The following SRCIN1 variants were observed in gnomAD, a reference collection of about 807,000 sequenced individuals.
The protein encoded by SRCIN1 is SRC kinase signaling inhibitor 1, also known as P130Cas-associated protein.
A neutral mutation model predicts 116.2 loss-of-function variants in SRCIN1; 50 were observed. The observed-to-expected ratio is 0.43, with a 90% CI of 0.34 to 0.54. The LOEUF is 0.54. Among genes scored for constraint, SRCIN1 ranks in the 20% least tolerant of loss-of-function variants. The pLI is 0.02. For missense variants in SRCIN1, 1,446 were observed against 1,672.0 expected (o/e 0.86, Z 2.36); for synonymous variants, 736 against 750.0 (o/e 0.98, Z 0.30).
Position 38,552,873 on chromosome 17 carries a change from C to A in SRCIN1, c.2202-18G>T. On this transcript the variant is annotated intron_variant, in intron 11 of 18. Coordinates refer to ENST00000617146, the MANE Select transcript of SRCIN1 (RefSeq NM_025248.3). This position sits in a 1 kb window ranked among gnomAD's most constrained non-coding sequence, Gnocchi z 5.3. ...CCAGGTCACTGCAGCCACAGAGAGA[C>A]CCTTTCAGCCCTTTTGGCCTGAGAT... 6.2e-7 allele frequency: 1 copy of A among 1,604,338 alleles called. No individual in the cohort carries two copies. The highest frequency in any genetic ancestry group is 8.5e-7 in the Non-Finnish European group (1 of 1,174,794).
intron 3 of SRCIN1, among the ~76,000 whole-genome samples, chr17:38,566,552 T>C (rs1298958761): frequency 6.6e-6 from 1 of 152,024 alleles, no homozygotes; most frequent in Non-Finnish European, 1.5e-5. Flanking sequence ...ATCACCAGAG[T>C]GTTCCAGGGA....
At position 38,542,506 on chromosome 17, in the gene SRCIN1, C is replaced by T. The variant is rs117184288; in HGVS notation, c.3417+1317G>A. 7.0e-3 allele frequency: 1,086 copies of T among 154,116 alleles called. 9 individuals carry two copies. Among genetic ancestry groups the T allele is most frequent in the Middle Eastern group, 0.01 (3 of 294 alleles). The allele number at this position is 154,116 out of a possible 1,614,324, so 9.5% of individuals were successfully genotyped here. The stretch of plus-strand genomic sequence containing the variant: ...GCTGGGCACCCAGGAGGGTCCAGCC[C>T]GGACAGGACAAGGGGAACTCATCCC... On this transcript the variant is annotated intron_variant, in intron 18 of 18. Coordinates refer to ENST00000617146, the MANE Select transcript of SRCIN1 (RefSeq NM_025248.3).
chr17:38,551,836 A>C lies in SRCIN1; in HGVS notation c.2727+50T>G, dbSNP rs768650460. The C allele has an allele frequency of 3.7e-6, 6 of 1,609,724 alleles. No individual in the cohort carries two copies. The East Asian group carries it at 1.3e-4, about 36-fold the overall frequency. ...CCACTCTAGGAAGGATGGTCGTAAG[A>C]ATGTGTGAACCTGGCTCATGGCCCC... is the stretch of plus-strand genomic sequence containing the variant. On this transcript the variant is annotated intron_variant, in intron 14 of 18. Transcript: ENST00000617146.
chr17:38,580,633 TTTC>T (rs1460322729), intron 1 of SRCIN1, among the ~76,000 whole-genome samples: 1 of 152,168 alleles, frequency 6.6e-6, no homozygotes, highest in Non-Finnish European at 1.5e-5. Context: ...ACGATGACTG[TTTC>T]TTGAGTGAAC....
intron 1 of SRCIN1, among the ~76,000 whole-genome samples, chr17:38,600,697 T>A (rs1407782092): frequency 6.6e-6 from 1 of 152,216 alleles, no homozygotes; most frequent in South Asian, 2.1e-4. Context: ...CTCTGCCGGC[T>A]GCAGTATCAG....
rs557416198 is a variant in SRCIN1, at chr17:38,549,931, C to T, written c.2963-721G>A. Among the ~76,000 whole-genome samples, 26 of 152,292 alleles carry T rather than the reference C, an allele frequency of 1.7e-4. No individual in the cohort carries two copies. In the South Asian group the frequency reaches 5.0e-3, roughly 29 times the overall value. On this transcript the variant is annotated intron_variant, in intron 15 of 18. Transcript: ENST00000617146. ...CGCTGTTCCCTCACCCTGGAGTACC[C>T]GCTCTCACTAGCTAGGGAAGTGCCC...
At position 38,568,117 on chromosome 17, in the gene SRCIN1, G is replaced by A. The variant is rs1473148360; in HGVS notation, c.345+94C>T. Reference sequence around the variant, plus strand: ...TACCAGAAGGTGTCCGTGCAGATGCGCACCCCGGTGCAAAGCCTGTGCAAG... The same window carrying A: ...TACCAGAAGGTGTCCGTGCAGATGCACACCCCGGTGCAAAGCCTGTGCAAG... On this transcript the variant is annotated intron_variant, in intron 3 of 18. Coordinates refer to ENST00000617146, the MANE Select transcript of SRCIN1 (RefSeq NM_025248.3). This position sits in a 1 kb window ranked among gnomAD's most constrained non-coding sequence, Gnocchi z 4.5. 2.7e-5 allele frequency: 40 copies of A among 1,479,026 alleles called. No homozygotes were observed. The highest frequency in any genetic ancestry group is 1.6e-4 in the South Asian group (14 of 85,188). The allele number at this position is 1,479,026 out of a possible 1,614,324, so 91.6% of individuals were successfully genotyped here. A position where few individuals can be genotyped will look rare whatever the true frequency, so the allele number is the denominator to read the frequency against.
intron 18 of SRCIN1, among the ~76,000 whole-genome samples, chr17:38,543,401 A>G (rs1904871011): frequency 1.3e-5 from 2 of 152,170 alleles, no homozygotes; most frequent in African/African-American, 4.8e-5. Context: ...GCGGAGAGAG[A>G]AACAGAGTGG....
rs973737274 is a variant in SRCIN1, at chr17:38,558,700, A to G, written c.2026-298T>C. Among the ~76,000 whole-genome samples, 1 of 151,838 alleles carries G rather than the reference A, an allele frequency of 6.6e-6. No individual in the cohort carries two copies. The highest frequency in any genetic ancestry group is 1.5e-5 in the Non-Finnish European group (1 of 67,980). ...ATGGGCCATGCAAAGGGGGAGCTGC[A>G]TGGCTGTGGCCGCGAGCAGGGGTGG... On this transcript the variant is annotated intron_variant, in intron 10 of 18. Transcript: ENST00000617146. The surrounding 1 kb of genome is among the most constrained non-coding windows in gnomAD (Gnocchi z 4.6).
At chr17:38,548,496 G>C in intron 17 of SRCIN1, 61 bp downstream of exon 17, 1 of 1,588,064 alleles carries the variant, frequency 6.3e-7, no homozygotes, top group Non-Finnish European at 8.6e-7. Flanking sequence ...GGCCTGGGGG[G>C]CAGCCTGGGA....
chr17:38,594,672 G>A (rs1050202094), intron 1 of SRCIN1, among the ~76,000 whole-genome samples: 6 of 152,002 alleles, frequency 3.9e-5, no homozygotes, highest in Non-Finnish European at 8.8e-5. Flanking sequence ...CCTGGGAGGT[G>A]TTCTTGTACC....
At chr17:38,541,531 G>A (rs2144896406) in intron 18 of SRCIN1, 1 of 152,774 alleles carries the variant, frequency 6.5e-6, no homozygotes, top group East Asian at 1.9e-4. Flanking sequence ...TGGGTGACTG[G>A]AGCTCAGAAT....
rs1471559530 is a variant in SRCIN1, at chr17:38,530,443, T to C, written c.*2854A>G. The C allele has an allele frequency of 1.3e-5, 2 of 152,828 alleles. No homozygotes were observed. 9.5% of individuals were successfully genotyped at this position (152,828 alleles called of 1,614,324 possible). A position where few individuals can be genotyped will look rare whatever the true frequency, so the allele number is the denominator to read the frequency against. On this transcript the variant is annotated 3_prime_UTR_variant, in exon 19 of 19. Coordinates refer to ENST00000617146, the MANE Select transcript of SRCIN1 (RefSeq NM_025248.3). ...GGTACAGGGGTCCCCCGAGACGTCT[T>C]AGTTTTCTCTTGGTCAAGCACACAC... is the stretch of plus-strand genomic sequence containing the variant.
chr17:38,561,065 C>T (rs899838484), intron 7 of SRCIN1, among the ~76,000 whole-genome samples: 2 of 152,218 alleles, frequency 1.3e-5, no homozygotes, highest in African/African-American at 4.8e-5. Flanking sequence ...ACCCTCCTCC[C>T]CAGTGGACTT....
rs528173987 is a variant in SRCIN1 at position 38,605,581 on chromosome 17, G to A, written c.22+103C>T. 2.6e-3 allele frequency: 2,468 copies of A among 953,870 alleles called. 52 individuals are homozygous for A. In the African/African-American group the frequency reaches 0.042, roughly 16 times the overall value. The allele number at this position is 953,870 out of a possible 1,614,324, so 59.1% of individuals were successfully genotyped here. On this transcript the variant is annotated intron_variant, in intron 1 of 18. Transcript: ENST00000617146. ...CGGCCACCGCCTCCCCGGCCCGGCCGCCGCCCCCGCCCCCGGCCGAGGGGG... is the reference window on the plus strand; with the variant it reads ...CGGCCACCGCCTCCCCGGCCCGGCCACCGCCCCCGCCCCCGGCCGAGGGGG...
In SRCIN1 at chr17:38,531,226, G is replaced by A. The variant is rs2040916554; in HGVS notation, c.*2071C>T. On this transcript the variant is annotated 3_prime_UTR_variant, in exon 19 of 19. Transcript: ENST00000617146. The stretch of plus-strand genomic sequence containing the variant: ...CAAGCAGAGAGTAATGGAGTGGAGG[G>A]AGGAGGGGGCACCACTCCCCCCTCC... 1 of 151,826 alleles carries A rather than the reference G, an allele frequency of 6.6e-6. No homozygotes were observed. Among genetic ancestry groups the A allele is most frequent in the African/African-American group, 2.4e-5 (1 of 41,234 alleles). 9.4% of individuals were successfully genotyped at this position (151,826 alleles called of 1,614,324 possible). A position where few individuals can be genotyped will look rare whatever the true frequency, so the allele number is the denominator to read the frequency against.
chr17:38,578,243 A>G (rs1039807848), intron 2 of SRCIN1, among the ~76,000 whole-genome samples: 2 of 152,028 alleles, frequency 1.3e-5, no homozygotes, highest in Non-Finnish European at 2.9e-5. Context: ...CACGCTCTCG[A>G]TTTCCGGACT....
At chr17:38,560,772 G>C (rs955293760) in intron 7 of SRCIN1, among the ~76,000 whole-genome samples, 4 of 152,200 alleles carry the variant, frequency 2.6e-5, no homozygotes, top group African/African-American at 9.7e-5. Context: ...GGTATGCTGA[G>C]TGTCTCCCCA....
intron 2 of SRCIN1, among the ~76,000 whole-genome samples, chr17:38,576,812 A>G (rs1328201070): frequency 1.3e-5 from 2 of 151,144 alleles, no homozygotes; most frequent in African/African-American, 2.4e-5. Flanking sequence ...TCTTCTTCCA[A>G]CCCCCATCCA....
Sources: allele counts gnomAD v4.1 joint callset (sites outside exome capture counted in the v4.1 genomes callset), GRCh38; gene constraint gnomAD v4.1.1; non-coding constraint Gnocchi (gnomAD v3.1); transcripts MANE v1.5; gene names NCBI Gene and HGNC (gene_info 2026-07-23, HGNC 2026-07-21).